KCNAB1: variants seen among roughly 807,000 people sequenced by gnomAD.
The protein encoded by KCNAB1 is potassium voltage-gated channel subfamily A regulatory beta subunit 1.
Under a neutral mutation model 64.6 loss-of-function variants are expected in KCNAB1, and 35 were observed. The observed-to-expected ratio is 0.54, with a 90% CI of 0.41 to 0.72. The LOEUF is 0.72. Among genes scored for constraint, KCNAB1 ranks in the 30% least tolerant of loss-of-function variants. The pLI is 0.00. For synonymous variants in KCNAB1, 177 were observed against 183.8 expected (o/e 0.96, Z 0.30); for missense variants, 401 against 512.9 (o/e 0.78, Z 2.11).
At chr3:156,143,569 G>GTTTTTTTTTTTTTTTTTTTT (rs56216211) in intron 1 of KCNAB1, 5 of 281,594 alleles carry the variant, frequency 1.8e-5, no homozygotes, top group Admixed American at 4.8e-5. Flanking sequence ...TTGCATTCTT[G>GTTTTTTTTTTTTTTTTTTTT]TTTTTTTTTT....
At chr3:156,167,205 G>A (rs1181598155) in intron 1 of KCNAB1, among the ~76,000 whole-genome samples, 1 of 152,150 alleles carries the variant, frequency 6.6e-6, no homozygotes, top group African/African-American at 2.4e-5. Context: ...AGTGGACAAT[G>A]CCCCAGACCA....
intron 1 of KCNAB1, among the ~76,000 whole-genome samples, chr3:156,152,790 AAGCT>A (rs1341986368): frequency 6.6e-6 from 1 of 152,198 alleles, no homozygotes; most frequent in African/African-American, 2.4e-5. Flanking sequence ...ATGCCTCTAG[AAGCT>A]AGTTACGGTT....
chr3:156,295,082 CAAACAAACAAAT>C lies in KCNAB1; in HGVS notation c.276-126531_276-126520del, dbSNP rs201909694. On this transcript the variant is annotated intron_variant, in intron 1 of 13. Transcript: ENST00000490337. ...ATAAATAACAAAACAAACAAACAAG[CAAACAAACAAAT>C]AACATAATTGTCTAATAGAAGATAT... is the stretch of plus-strand genomic sequence containing the variant. Among the ~76,000 whole-genome samples the C allele has an allele frequency of 2.5e-3, 382 of 151,974 alleles. 7 individuals are homozygous for C. The East Asian group carries it at 0.064, about 25-fold the overall frequency.
At chr3:156,193,915 G>A (rs186692997) in intron 1 of KCNAB1, among the ~76,000 whole-genome samples, 21 of 152,154 alleles carry the variant, frequency 1.4e-4, no homozygotes, top group Middle Eastern at 3.4e-3. Context: ...TTATTGGGAC[G>A]TAACTTCATC....
At chr3:156,181,983 A>G (rs950472016) in intron 1 of KCNAB1, among the ~76,000 whole-genome samples, 2 of 152,350 alleles carry the variant, frequency 1.3e-5, no homozygotes, top group East Asian at 3.9e-4. Context: ...CTGGAGAGTT[A>G]TTCATGAAAA....
intron 1 of KCNAB1, among the ~76,000 whole-genome samples, chr3:156,342,259 G>C (rs1724170797): frequency 6.6e-6 from 1 of 152,214 alleles, no homozygotes; most frequent in Admixed American, 6.5e-5. Context: ...ACACTTCAGG[G>C]TTGGGGAGAC....
chr3:156,338,994 G>T (rs1723919058), intron 1 of KCNAB1, among the ~76,000 whole-genome samples: 1 of 152,156 alleles, frequency 6.6e-6, no homozygotes, highest in African/African-American at 2.4e-5. Flanking sequence ...TCAAAGTACA[G>T]AGATATTCCC....
At chr3:156,279,430 G>T (rs909440073) in intron 1 of KCNAB1, among the ~76,000 whole-genome samples, 14 of 152,162 alleles carry the variant, frequency 9.2e-5, no homozygotes, top group East Asian at 1.9e-4. Context: ...TAAACATACG[G>T]GTGCATGTGT....
intron 1 of KCNAB1, among the ~76,000 whole-genome samples, chr3:156,343,713 A>T (rs1724292066): frequency 6.6e-6 from 1 of 152,198 alleles, no homozygotes; most frequent in Admixed American, 6.5e-5. Context: ...AGGATTGGAG[A>T]GTTTAATAAA....
chr3:156,174,651 T>C (rs1232485884), intron 1 of KCNAB1, among the ~76,000 whole-genome samples: 1 of 152,208 alleles, frequency 6.6e-6, no homozygotes, highest in Admixed American at 6.5e-5. Flanking sequence ...TTAAAGCTGG[T>C]TAGTTATCCC....
rs185828882 is a variant in KCNAB1, at chr3:156,203,487, C to T, written c.275+82601C>T. On this transcript the variant is annotated intron_variant, in intron 1 of 13. Transcript: ENST00000490337. ...CAACATACTTAACCTTCCTATGGAC[C>T]GTTTTCCCCAACTATAAAATGTGAA... Among the ~76,000 whole-genome samples the T allele has an allele frequency of 2.0e-5, 3 of 152,026 alleles. No homozygotes were observed. In the East Asian group the frequency reaches 5.8e-4, roughly 29 times the overall value.
At chr3:156,169,875 C>A (rs904588755) in intron 1 of KCNAB1, among the ~76,000 whole-genome samples, 9 of 152,188 alleles carry the variant, frequency 5.9e-5, no homozygotes, top group Admixed American at 2.0e-4. Context: ...AATAAATTAC[C>A]CAATTTCAGG....
At chr3:156,316,971 G>A (rs1722316335) in intron 1 of KCNAB1, among the ~76,000 whole-genome samples, 1 of 152,146 alleles carries the variant, frequency 6.6e-6, no homozygotes, top group Admixed American at 6.5e-5. Flanking sequence ...AGGCTGGGAC[G>A]ATTATATGAG....
chr3:156,316,294 G>A (rs1432194429), intron 1 of KCNAB1, among the ~76,000 whole-genome samples: 1 of 152,204 alleles, frequency 6.6e-6, no homozygotes, highest in Non-Finnish European at 1.5e-5. Context: ...TACTGGGCTG[G>A]AAGCCTAGAC....
intron 1 of KCNAB1, among the ~76,000 whole-genome samples, chr3:156,170,684 C>A (rs964544614): frequency 6.6e-5 from 10 of 152,130 alleles, no homozygotes; most frequent in African/African-American, 2.2e-4. Context: ...CCTTGGTTTC[C>A]AACATGCTCC....
At chr3:156,311,809 T>A (rs1168249747) in intron 1 of KCNAB1, among the ~76,000 whole-genome samples, 1 of 152,186 alleles carries the variant, frequency 6.6e-6, no homozygotes, top group Non-Finnish European at 1.5e-5. Context: ...GTGTGACTTG[T>A]TACTCCTGAA....
At chr3:156,142,897 C>T in intron 1 of KCNAB1, 1 of 832,284 alleles carries the variant, frequency 1.2e-6, no homozygotes, top group Admixed American at 5.3e-5. Context: ...TACATAGTTG[C>T]TTATGTTTGA....
chr3:156,225,377 A>T (rs1202797459), intron 1 of KCNAB1, among the ~76,000 whole-genome samples: 1 of 152,236 alleles, frequency 6.6e-6, no homozygotes, highest in Non-Finnish European at 1.5e-5. Flanking sequence ...ACATTGCTTT[A>T]TGATTAAAAT....
At chr3:156,119,135 T>G (rs984654869), upstream of KCNAB1, among the ~76,000 whole-genome samples, 8 of 152,326 alleles carry the variant, frequency 5.3e-5, no homozygotes, top group Admixed American at 5.2e-4. Context: ...GTTAATTGGT[T>G]AATATTGATA....
Sources: allele counts gnomAD v4.1 joint callset (sites outside exome capture counted in the v4.1 genomes callset), GRCh38; gene constraint gnomAD v4.1.1; transcripts MANE v1.5; gene names NCBI Gene and HGNC (gene_info 2026-07-23, HGNC 2026-07-21).